The following KCNIP4 variants were observed in gnomAD, a reference collection of about 807,000 sequenced individuals.
KCNIP4 encodes the protein potassium voltage-gated channel interacting protein 4.
KCNIP4 carries 12 observed loss-of-function variants against 34.0 expected under a neutral mutation model. The ratio of observed to expected loss-of-function variants is 0.35; its 90% CI spans 0.23 to 0.57. The LOEUF (loss-of-function observed/expected upper bound fraction) is 0.57. Among genes scored for constraint, KCNIP4 ranks in the 20% least tolerant of loss-of-function variants. The pLI is 0.83. For missense variants in KCNIP4, 238 were observed against 311.7 expected (o/e 0.76, Z 1.78); for synonymous variants, 124 against 102.2 (o/e 1.21, Z -1.29).
chr4:21,074,598 T>A (rs141518160), intron 1 of KCNIP4, among the ~76,000 whole-genome samples: 3,538 of 152,154 alleles, frequency 0.023, 124 homozygotes, highest in African/African-American at 0.08. Context: ...GCTCCTGGAG[T>A]CATTGATTTT....
intron 6 of KCNIP4, 69 bp from the exon 7 acceptor site, chr4:20,732,854 C>A: frequency 1.1e-6 from 1 of 917,180 alleles, no homozygotes; most frequent in African/African-American, 1.7e-5. Flanking sequence ...GAAGCTCTGA[C>A]AGATTTTTCC....
At chr4:20,779,357 G>A (rs1302132185) in intron 3 of KCNIP4, among the ~76,000 whole-genome samples, 1 of 152,080 alleles carries the variant, frequency 6.6e-6, no homozygotes, top group Non-Finnish European at 1.5e-5. Context: ...TTATCAAGCT[G>A]AGTGTAAAAA....
At chr4:21,490,326 G>A (rs1732283390) in intron 1 of KCNIP4, among the ~76,000 whole-genome samples, 1 of 151,988 alleles carries the variant, frequency 6.6e-6, no homozygotes, top group Non-Finnish European at 1.5e-5. Flanking sequence ...TTTGATAAGG[G>A]AGAAATCACC....
chr4:20,905,342 C>T (rs1396192696), intron 1 of KCNIP4, among the ~76,000 whole-genome samples: 1 of 152,120 alleles, frequency 6.6e-6, no homozygotes, highest in Admixed American at 6.5e-5. Context: ...ATTAGGGTTT[C>T]ACCCTAATGA....
chr4:21,735,556 C>G (rs1202176002), intron 1 of KCNIP4, among the ~76,000 whole-genome samples: 1 of 152,078 alleles, frequency 6.6e-6, no homozygotes, highest in Non-Finnish European at 1.5e-5. Flanking sequence ...TAAAATTTGC[C>G]TTAGTGGGAG....
At chr4:21,303,724 T>C in intron 1 of KCNIP4, 1 of 1,071,662 alleles carries the variant, frequency 9.3e-7, no homozygotes, top group Non-Finnish European at 1.4e-6. Context: ...CTGATCTCAT[T>C]TCAGGTGCCT....
chr4:21,138,165 G>A (rs536008194), intron 1 of KCNIP4, among the ~76,000 whole-genome samples: 16 of 152,124 alleles, frequency 1.1e-4, no homozygotes, highest in African/African-American at 3.6e-4. Context: ...CCATCTACAT[G>A]TCTTCGCTTT....
intron 3 of KCNIP4, among the ~76,000 whole-genome samples, chr4:20,771,106 A>G (rs982806190): frequency 2.0e-5 from 3 of 152,188 alleles, no homozygotes; most frequent in African/African-American, 7.2e-5. Flanking sequence ...AGACTTAAGT[A>G]TCCCCAGATT....
chr4:21,620,521 G>A (rs1186685133), intron 1 of KCNIP4, among the ~76,000 whole-genome samples: 2 of 151,570 alleles, frequency 1.3e-5, no homozygotes, highest in South Asian at 2.1e-4. Context: ...AATAAAATAA[G>A]TAAAAAAATA....
intron 1 of KCNIP4, among the ~76,000 whole-genome samples, chr4:21,047,221 T>G (rs1742506563): frequency 1.3e-5 from 2 of 152,218 alleles, no homozygotes; most frequent in South Asian, 4.1e-4. Flanking sequence ...GCACATTCAT[T>G]TACCTCTTCA....
chr4:20,935,331 A>G (rs1730955992), intron 1 of KCNIP4, among the ~76,000 whole-genome samples: 2 of 152,150 alleles, frequency 1.3e-5, no homozygotes, highest in Non-Finnish European at 2.9e-5. Flanking sequence ...AACATGTCCA[A>G]AATTGATGTC....
chr4:21,034,630 A>T (rs1193897699), intron 1 of KCNIP4, among the ~76,000 whole-genome samples: 2 of 152,172 alleles, frequency 1.3e-5, no homozygotes, highest in African/African-American at 2.4e-5. Context: ...GGTTGAAGTG[A>T]TGGTTTCTGT....
chr4:21,790,887 T>C (rs370183070), intron 1 of KCNIP4, among the ~76,000 whole-genome samples: 1 of 143,574 alleles, frequency 7.0e-6, no homozygotes, highest in East Asian at 2.1e-4. Context: ...ACAATCTTCA[T>C]AATTTGTAAC....
intron 1 of KCNIP4, among the ~76,000 whole-genome samples, chr4:21,053,358 A>G (rs1377335430): frequency 6.6e-6 from 1 of 152,210 alleles, no homozygotes; most frequent in Non-Finnish European, 1.5e-5. Context: ...CACATAGAGG[A>G]AAATTTTCTC....
At chr4:21,493,577 G>A (rs777872807) in intron 1 of KCNIP4, among the ~76,000 whole-genome samples, 1 of 152,166 alleles carries the variant, frequency 6.6e-6, no homozygotes, top group Non-Finnish European at 1.5e-5. Flanking sequence ...TAATACACTG[G>A]ATTAGCCTTT....
chr4:20,776,510 C>T (rs1326676354), intron 3 of KCNIP4, among the ~76,000 whole-genome samples: 2 of 152,102 alleles, frequency 1.3e-5, no homozygotes, highest in East Asian at 3.8e-4. Context: ...AAGGAGCAAT[C>T]CCTCCAGTAC....
intron 1 of KCNIP4, among the ~76,000 whole-genome samples, chr4:21,212,769 C>T (rs1757311371): frequency 6.6e-6 from 1 of 152,128 alleles, no homozygotes; most frequent in Non-Finnish European, 1.5e-5. Context: ...GGACTCCACC[C>T]TCATGACCTG....
At chr4:21,718,289 T>C (rs971732871) in intron 1 of KCNIP4, among the ~76,000 whole-genome samples, 2 of 152,228 alleles carry the variant, frequency 1.3e-5, no homozygotes, top group Admixed American at 6.5e-5. Flanking sequence ...AACACAGTTA[T>C]GTGAAACACT....
intron 3 of KCNIP4, among the ~76,000 whole-genome samples, chr4:20,812,655 C>T (rs1289867741): frequency 1.3e-5 from 2 of 152,100 alleles, no homozygotes; most frequent in Non-Finnish European, 2.9e-5. Flanking sequence ...TGGGGATGGG[C>T]AAGTGACCAA....
Sources: gnomAD v4.1 joint callset for allele counts (sites outside exome capture counted in the v4.1 genomes callset) on GRCh38, gnomAD v4.1.1 for gene constraint, MANE v1.5 for transcripts, NCBI Gene and HGNC (gene_info 2026-07-23, HGNC 2026-07-21) for gene names.